The following RBFOX1 variants were observed in gnomAD, a reference collection of about 807,000 sequenced individuals.
RBFOX1 encodes the protein RNA binding fox-1 homolog 1.
A neutral mutation model predicts 57.7 loss-of-function variants in RBFOX1; 8 were observed. That is an observed-to-expected ratio of 0.14 (90% CI 0.08 to 0.25). RBFOX1 has a LOEUF of 0.25. RBFOX1 is among the 10% of genes least tolerant of loss of function. The pLI, the probability that RBFOX1 is intolerant of heterozygous loss-of-function variation, is 1.00. For missense variants in RBFOX1, 611 were observed against 548.5 expected (o/e 1.11, Z -1.14); for synonymous variants, 326 against 222.4 (o/e 1.47, Z -4.15).
At position 6,790,616 on chromosome 16, in the gene RBFOX1, A is replaced by G. The variant is rs535752574; in HGVS notation, c.-16+135966A>G. Among the ~76,000 whole-genome samples, 3 of 152,212 alleles carry G rather than the reference A, an allele frequency of 2.0e-5. No individual in the cohort carries two copies. In the South Asian group the frequency reaches 6.2e-4, roughly 32 times the overall value. On this transcript the variant is annotated intron_variant, in intron 3 of 15. Transcript: ENST00000550418. ...TTCTCCAATTCAGCACATGTTTTTA[A>G]GTCTCTTTACTGTAGTTAGGACTCT...
intron 3 of RBFOX1, among the ~76,000 whole-genome samples, chr16:5,806,883 C>T (rs1432285855): frequency 2.6e-5 from 4 of 152,216 alleles, no homozygotes; most frequent in Non-Finnish European, 4.4e-5. Context: ...CCCAAATGCT[C>T]TTTCTAAACC....
At chr16:7,502,013 G>C (rs774168344) in intron 4 of RBFOX1, among the ~76,000 whole-genome samples, 1 of 152,080 alleles carries the variant, frequency 6.6e-6, no homozygotes, top group Non-Finnish European at 1.5e-5. Flanking sequence ...TGCCCATTTG[G>C]ACAGTTCATT....
chr16:6,489,898 C>T (rs2153127401), intron 2 of RBFOX1, among the ~76,000 whole-genome samples: 1 of 151,372 alleles, frequency 6.6e-6, no homozygotes, highest in Admixed American at 6.6e-5. Flanking sequence ...CATTTTATCC[C>T]CTACTTAATT....
chr16:6,248,860 A>G (rs1312241375), intron 1 of RBFOX1, among the ~76,000 whole-genome samples: 1 of 152,116 alleles, frequency 6.6e-6, no homozygotes, highest in Non-Finnish European at 1.5e-5. Flanking sequence ...CAACACATGA[A>G]AAGAGCTTAC....
chr16:5,558,259 G>A (rs1417043543), intron 2 of RBFOX1, among the ~76,000 whole-genome samples: 4 of 152,174 alleles, frequency 2.6e-5, no homozygotes, highest in Non-Finnish European at 1.5e-5. Flanking sequence ...CAAGCTGTCT[G>A]CAGCATGCAG....
intron 2 of RBFOX1, among the ~76,000 whole-genome samples, chr16:6,470,485 G>T (rs976529283): frequency 2.0e-5 from 3 of 152,194 alleles, no homozygotes; most frequent in African/African-American, 7.2e-5. Flanking sequence ...CATGAATAGT[G>T]CAAATATGTC....
chr16:6,388,055 C>G (rs1045203903), intron 2 of RBFOX1, among the ~76,000 whole-genome samples: 1 of 145,364 alleles, frequency 6.9e-6, no homozygotes, highest in Non-Finnish European at 1.5e-5. Context: ...TTTGAGCTCA[C>G]TGCAACCTCT....
intron 2 of RBFOX1, among the ~76,000 whole-genome samples, chr16:6,373,262 A>G (rs11077034): frequency 0.95 from 142,940 of 150,572 alleles, 67,889 homozygotes; most frequent in East Asian, 1. Context: ...GTGTAGAATG[A>G]AGATTGGGTG....
At chr16:6,755,156 A>C (rs943186468) in intron 3 of RBFOX1, among the ~76,000 whole-genome samples, 2 of 152,192 alleles carry the variant, frequency 1.3e-5, no homozygotes, top group Non-Finnish European at 2.9e-5. Flanking sequence ...ATAGTGCCGC[A>C]ATAAACATAC....
chr16:6,774,363 T>G (rs906166340), intron 3 of RBFOX1, among the ~76,000 whole-genome samples: 3 of 152,166 alleles, frequency 2.0e-5, no homozygotes, highest in African/African-American at 7.2e-5. Context: ...TGGCCAAGTC[T>G]ACACAGGCAT....
intron 2 of RBFOX1, among the ~76,000 whole-genome samples, chr16:6,546,436 C>T (rs1283083257): frequency 2.0e-5 from 3 of 152,186 alleles, no homozygotes; most frequent in Non-Finnish European, 2.9e-5. Flanking sequence ...GGGTCATGCT[C>T]CCTCTGAAAC....
intron 3 of RBFOX1, among the ~76,000 whole-genome samples, chr16:6,896,780 A>T (rs960148739): frequency 6.6e-6 from 1 of 152,218 alleles, no homozygotes; most frequent in African/African-American, 2.4e-5. Context: ...CCACAAATGT[A>T]CATGAGAGGT....
chr16:6,652,582 G>T lies in RBFOX1; in HGVS notation c.-63-2021G>T, dbSNP rs111505745. Among the ~76,000 whole-genome samples the T allele has an allele frequency of 5.8e-3, 882 of 152,308 alleles. 3 individuals carry two copies. The highest frequency in any genetic ancestry group is 0.024 in the Middle Eastern group (7 of 294). On this transcript the variant is annotated intron_variant, in intron 2 of 15. Coordinates refer to ENST00000550418, the MANE Select transcript of RBFOX1 (RefSeq NM_018723.4). Reference sequence around the variant, plus strand: ...AGAGGGACCTCACCAGGAACCCTGAGAGAGCCTTGACCTTGAACTTCCACC... The same window carrying T: ...AGAGGGACCTCACCAGGAACCCTGATAGAGCCTTGACCTTGAACTTCCACC...
chr16:6,887,291 G>C (rs1440296406), intron 3 of RBFOX1, among the ~76,000 whole-genome samples: 1 of 152,128 alleles, frequency 6.6e-6, no homozygotes, highest in African/African-American at 2.4e-5. Context: ...TTCAAAGTGT[G>C]GTGGGGTTAT....
chr16:6,382,819 C>T (rs1053679936), intron 2 of RBFOX1, among the ~76,000 whole-genome samples: 25 of 152,154 alleles, frequency 1.6e-4, no homozygotes, highest in African/African-American at 5.3e-4. Flanking sequence ...GAGATCATGT[C>T]GCTGCACTCC....
At chr16:6,494,703 C>T (rs1598203827) in intron 2 of RBFOX1, among the ~76,000 whole-genome samples, 1 of 152,180 alleles carries the variant, frequency 6.6e-6, no homozygotes, top group African/African-American at 2.4e-5. Flanking sequence ...CAGGAATGGG[C>T]CTTGGAGATC....
intron 4 of RBFOX1, among the ~76,000 whole-genome samples, chr16:7,326,451 G>T (rs1418791669): frequency 1.3e-5 from 2 of 152,146 alleles, no homozygotes; most frequent in Non-Finnish European, 2.9e-5. Context: ...CATCTGTATG[G>T]GGTGTTGGTG....
intron 2 of RBFOX1, among the ~76,000 whole-genome samples, chr16:6,382,169 T>C (rs2091876870): frequency 6.6e-6 from 1 of 152,226 alleles, no homozygotes; most frequent in African/African-American, 2.4e-5. Flanking sequence ...AAGAATAGTA[T>C]TCTTGTGATC....
intron 4 of RBFOX1, among the ~76,000 whole-genome samples, chr16:7,412,791 C>A (rs1006917583): frequency 6.6e-6 from 1 of 152,150 alleles, no homozygotes; most frequent in Non-Finnish European, 1.5e-5. Flanking sequence ...GCCTGTGATC[C>A]CAGAGCTCTG....
Sources: allele counts gnomAD v4.1 joint callset (sites outside exome capture counted in the v4.1 genomes callset), GRCh38; gene constraint gnomAD v4.1.1; transcripts MANE v1.5; gene names NCBI Gene and HGNC (gene_info 2026-07-23, HGNC 2026-07-21).